AGPAT4: variants seen among roughly 807,000 people sequenced by gnomAD.
AGPAT4 encodes the protein 1-acylglycerol-3-phosphate O-acyltransferase 4.
Under a neutral mutation model 48.0 loss-of-function variants are expected in AGPAT4, and 15 were observed. The ratio of observed to expected loss-of-function variants is 0.31; its 90% CI spans 0.21 to 0.48. The LOEUF is 0.48. Ranked by LOEUF, AGPAT4 falls within the 20% of genes least tolerant of loss-of-function variation. The pLI is 0.99. For synonymous variants in AGPAT4, 178 were observed against 198.7 expected, an observed-to-expected ratio of 0.90 and a Z score of 0.88; for missense variants, 314 against 482.5, an observed-to-expected ratio of 0.65 and a Z score of 3.27.
chr6:161,170,449 A>T (rs927698230), intron 2 of AGPAT4, among the ~76,000 whole-genome samples: 1 of 147,024 alleles, frequency 6.8e-6, no homozygotes, highest in East Asian at 2.0e-4. Flanking sequence ...ATTTATACAC[A>T]TGCGCGTGCA....
At chr6:161,256,991 A>G (rs1415912974) in intron 1 of AGPAT4, among the ~76,000 whole-genome samples, 1 of 152,206 alleles carries the variant, frequency 6.6e-6, no homozygotes, top group Non-Finnish European at 1.5e-5. Context: ...CAGCCACCTT[A>G]GCCAGTGGGC....
Position 161,165,784 on chromosome 6 carries a change from G to T in AGPAT4, c.348+464C>A. 1.7e-6 allele frequency: 1 copy of T among 602,148 alleles called. No homozygotes were observed. The highest frequency in any genetic ancestry group is 3.0e-6 in the Non-Finnish European group (1 of 335,814). The allele number at this position is 602,148 out of a possible 1,614,324, so 37.3% of individuals were successfully genotyped here. ...TTTGCAGTTCACTCTCTCACTTATG[G>T]ACTCAAAGTTCTTAAGCCTTCAACG... is the stretch of plus-strand genomic sequence containing the variant. On this transcript the variant is annotated intron_variant, in intron 3 of 8. Transcript: ENST00000320285. The surrounding 1 kb of genome is among the most constrained non-coding windows in gnomAD (Gnocchi z 5.5).
Position 161,264,437 on chromosome 6 carries a change from G to A in AGPAT4, c.-90+9501C>T, listed in dbSNP as rs903427890. On this transcript the variant is annotated intron_variant, in intron 1 of 8. Transcript: ENST00000320285. The surrounding 1 kb of genome is among the most constrained non-coding windows in gnomAD (Gnocchi z 6.8). ...TGGTCTCTGGCACTCCGTGAGAAGC[G>A]TGCACACTGGGACCAATACTCCCCA... Among the ~76,000 whole-genome samples the A allele has an allele frequency of 2.6e-5, 4 of 152,146 alleles. No homozygotes were observed. The highest frequency in any genetic ancestry group is 7.2e-5 in the African/African-American group (3 of 41,420).
rs1491515870 is a variant in AGPAT4 at position 161,240,219 on chromosome 6, T to TAC, written c.-89-7918_-89-7917insGT. ...AACACTAACAGCAGATATCTTTGTG[T>TAC]ATACACACACACACACACACACACA... On this transcript the variant is annotated intron_variant, in intron 1 of 8. Transcript: ENST00000320285. The surrounding 1 kb of genome is among the most constrained non-coding windows in gnomAD (Gnocchi z 5.5). Among the ~76,000 whole-genome samples, 1 of 121,870 alleles carries TAC rather than the reference T, an allele frequency of 8.2e-6. No homozygotes were observed. The highest frequency in any genetic ancestry group is 9.3e-5 in the Admixed American group (1 of 10,770). The allele number at this position is 121,870 out of a possible 152,430, so 80.0% of individuals were successfully genotyped here.
At chr6:161,152,516 A>G (rs1331260928) in intron 5 of AGPAT4, among the ~76,000 whole-genome samples, 1 of 152,146 alleles carries the variant, frequency 6.6e-6, no homozygotes, top group Non-Finnish European at 1.5e-5. Context: ...AGGTCCTGGT[A>G]GGGGGTCAGC....
chr6:161,168,893 G>A (rs1037120784), intron 2 of AGPAT4, among the ~76,000 whole-genome samples: 1 of 152,164 alleles, frequency 6.6e-6, no homozygotes, highest in Non-Finnish European at 1.5e-5. Flanking sequence ...GTTTCTCAAT[G>A]TCCCCCTTCT....
intron 2 of AGPAT4, among the ~76,000 whole-genome samples, chr6:161,199,630 G>T (rs764172928): frequency 2.0e-5 from 3 of 152,112 alleles, no homozygotes; most frequent in Admixed American, 2.0e-4. Context: ...GGGAGGGGCC[G>T]GTGAGAGGTG....
At position 161,198,811 on chromosome 6, in the gene AGPAT4, A is replaced by C. The variant is rs1337631803; in HGVS notation, c.179-32394T>G. Among the ~76,000 whole-genome samples, 1 of 152,212 alleles carries C rather than the reference A, an allele frequency of 6.6e-6. No individual in the cohort carries two copies. The highest frequency in any genetic ancestry group is 1.5e-5 in the Non-Finnish European group (1 of 68,038). ...TAACAGGGAAACTGACCTGGAACGT[A>C]TATGTTGTTTCGAGTAAAGACAAAA... On this transcript the variant is annotated intron_variant, in intron 2 of 8. Transcript: ENST00000320285. The surrounding 1 kb of genome is among the most constrained non-coding windows in gnomAD (Gnocchi z 4.3).
At chr6:161,230,398 A>G (rs918907942) in intron 2 of AGPAT4, among the ~76,000 whole-genome samples, 1 of 152,224 alleles carries the variant, frequency 6.6e-6, no homozygotes, top group Non-Finnish European at 1.5e-5. Flanking sequence ...TGCAGGTTTC[A>G]ATGAAAAAGC....
In AGPAT4 at chr6:161,264,263, C is replaced by T. The variant is rs937132100; in HGVS notation, c.-90+9675G>A. ...TTACCAAACCCTCCTGGCTTTCAGA[C>T]CTGTGCCTCTTCTGGGCCTCCCCTC... On this transcript the variant is annotated intron_variant, in intron 1 of 8. Transcript: ENST00000320285. The surrounding 1 kb of genome is among the most constrained non-coding windows in gnomAD (Gnocchi z 6.8). 7.9e-5 allele frequency among the ~76,000 whole-genome samples: 12 copies of T among 152,236 alleles called. 1 individual carries two copies. In the Middle Eastern group the frequency reaches 0.017, roughly 216 times the overall value.
In AGPAT4 at chr6:161,171,779, A is replaced by C. The variant is rs2114984674; in HGVS notation, c.179-5362T>G. ...GCTGGGCGTGGTGGCAGGCACCTGT[A>C]GTCCCAGCTACTCGGGAGTCTGAGG... On this transcript the variant is annotated intron_variant, in intron 2 of 8. Transcript: ENST00000320285. This position sits in a 1 kb window ranked among gnomAD's most constrained non-coding sequence, Gnocchi z 4.4. Among the ~76,000 whole-genome samples the C allele has an allele frequency of 6.6e-6, 1 of 152,082 alleles. No homozygotes were observed. The highest frequency in any genetic ancestry group is 1.9e-4 in the East Asian group (1 of 5,174).
In AGPAT4 at chr6:161,238,432, G is replaced by A. The variant is rs746116016; in HGVS notation, c.-89-6130C>T. On this transcript the variant is annotated intron_variant, in intron 1 of 8. Coordinates refer to ENST00000320285, the MANE Select transcript of AGPAT4 (RefSeq NM_020133.3). The surrounding 1 kb of genome is among the most constrained non-coding windows in gnomAD (Gnocchi z 5.2). The stretch of plus-strand genomic sequence containing the variant: ...TCTCTCCTGGGAAAGCCAATGAGAT[G>A]GTCGTCAACTCAGTTTTCCTTCTCT... 5.9e-5 allele frequency among the ~76,000 whole-genome samples: 9 copies of A among 152,134 alleles called. No homozygotes were observed. The highest frequency in any genetic ancestry group is 1.2e-4 in the Non-Finnish European group (8 of 68,026).
At chr6:161,257,352 T>C (rs1430253092) in intron 1 of AGPAT4, among the ~76,000 whole-genome samples, 1 of 152,088 alleles carries the variant, frequency 6.6e-6, no homozygotes, top group African/African-American at 2.4e-5. Context: ...ATTATCCCAC[T>C]CATAGGCAAT....
At chr6:161,253,380 GAGTAGCT>G (rs1390405336) in intron 1 of AGPAT4, among the ~76,000 whole-genome samples, 1 of 149,580 alleles carries the variant, frequency 6.7e-6, no homozygotes. Context: ...TCAGCCTCCC[GAGTAGCT>G]GGGACTACAG....
chr6:161,212,908 A>T lies in AGPAT4; in HGVS notation c.178+19128T>A, dbSNP rs1399476995. ...ATCAATTTTCACTGTAACAGGCCAC[A>T]ATCAGAGAAACTGTTTATTTTACCA... On this transcript the variant is annotated intron_variant, in intron 2 of 8. Coordinates refer to ENST00000320285, the MANE Select transcript of AGPAT4 (RefSeq NM_020133.3). The surrounding 1 kb of genome is among the most constrained non-coding windows in gnomAD (Gnocchi z 6.1). Among the ~76,000 whole-genome samples the T allele has an allele frequency of 6.6e-6, 1 of 152,240 alleles. No individual in the cohort carries two copies. The highest frequency in any genetic ancestry group is 1.5e-5 in the Non-Finnish European group (1 of 68,040).
At chr6:161,167,950 CCCCTT>C (rs1376136785) in intron 2 of AGPAT4, among the ~76,000 whole-genome samples, 1 of 152,208 alleles carries the variant, frequency 6.6e-6, no homozygotes, top group East Asian at 1.9e-4. Flanking sequence ...GAAAACCACT[CCCCTT>C]CCTTCTCCAG....
In AGPAT4 at chr6:161,206,216, C is replaced by G. The variant is rs954735838; in HGVS notation, c.178+25820G>C. 6.6e-6 allele frequency among the ~76,000 whole-genome samples: 1 copy of G among 152,172 alleles called. No individual in the cohort carries two copies. Among genetic ancestry groups the G allele is most frequent in the African/African-American group, 2.4e-5 (1 of 41,448 alleles). ...AAACTGTGGCCCTACCCCAACCCCC[C>G]ATCAGCAAAGGTTGGGGTGGGGGGC... On this transcript the variant is annotated intron_variant, in intron 2 of 8. Coordinates refer to ENST00000320285, the MANE Select transcript of AGPAT4 (RefSeq NM_020133.3). The surrounding 1 kb of genome is among the most constrained non-coding windows in gnomAD (Gnocchi z 4.8).
chr6:161,265,853 A>G (rs184467440), intron 1 of AGPAT4, among the ~76,000 whole-genome samples: 1 of 152,290 alleles, frequency 6.6e-6, no homozygotes, highest in East Asian at 1.9e-4. Flanking sequence ...AGCACTAAAT[A>G]TTTGAATACT....
In AGPAT4 at chr6:161,165,228, C is replaced by T. The variant is rs994953145; in HGVS notation, c.348+1020G>A. Among the ~76,000 whole-genome samples, 2 of 152,176 alleles carry T rather than the reference C, an allele frequency of 1.3e-5. No homozygotes were observed. The highest frequency in any genetic ancestry group is 4.8e-5 in the African/African-American group (2 of 41,438). ...ATATTTGCACACACACACACGTGTA[C>T]ACACAAGAAGATATCAAGTTAGCAC... On this transcript the variant is annotated intron_variant, in intron 3 of 8. Coordinates refer to ENST00000320285, the MANE Select transcript of AGPAT4 (RefSeq NM_020133.3). This position sits in a 1 kb window ranked among gnomAD's most constrained non-coding sequence, Gnocchi z 5.5.
Sources: allele counts gnomAD v4.1 joint callset (sites outside exome capture counted in the v4.1 genomes callset), GRCh38; gene constraint gnomAD v4.1.1; non-coding constraint Gnocchi (gnomAD v3.1); transcripts MANE v1.5; gene names NCBI Gene and HGNC (gene_info 2026-07-23, HGNC 2026-07-21).